The following POFUT3 variants were observed in gnomAD, a reference collection of about 807,000 sequenced individuals.
POFUT3 encodes the protein protein O-fucosyltransferase 3, also known as GDP-fucose protein O-fucosyltransferase 3.
chr8:33,454,477 G>A, the POFUT3 span, among the ~76,000 whole-genome samples: 5 of 152,148 alleles, frequency 3.3e-5, no homozygotes, highest in Non-Finnish European at 7.3e-5. Flanking sequence ...ACCTCAAAGT[G>A]GGTCACATTG....
the POFUT3 span, among the ~76,000 whole-genome samples, chr8:33,413,824 T>G: frequency 3.6e-4 from 55 of 152,290 alleles, 1 homozygote; most frequent in African/African-American, 1.3e-3. Context: ...ATAAGTGCAT[T>G]TCACCCTCCA....
chr8:33,376,968 G>A, the POFUT3 span, among the ~76,000 whole-genome samples: 10 of 152,302 alleles, frequency 6.6e-5, no homozygotes, highest in East Asian at 5.8e-4. Flanking sequence ...CGGGCACATT[G>A]GCTCACACCT....
the POFUT3 span, among the ~76,000 whole-genome samples, chr8:33,326,967 G>A: frequency 1.3e-5 from 2 of 152,162 alleles, no homozygotes; most frequent in Non-Finnish European, 1.5e-5. Flanking sequence ...TGTAGAGATA[G>A]GGGTCTCACT....
At chr8:33,394,905 A>C in the POFUT3 span, among the ~76,000 whole-genome samples, 1 of 152,200 alleles carries the variant, frequency 6.6e-6, no homozygotes, top group Non-Finnish European at 1.5e-5. Context: ...CCAGGTTCAT[A>C]AAGAGCACAG....
the POFUT3 span, among the ~76,000 whole-genome samples, chr8:33,380,052 C>CTA: frequency 1.1e-4 from 7 of 63,962 alleles, 2 homozygotes; most frequent in Non-Finnish European, 1.5e-4. Context: ...TATATATACA[C>CTA]TATATATATA....
chr8:33,437,295 C>A, the POFUT3 span, among the ~76,000 whole-genome samples: 1 of 151,886 alleles, frequency 6.6e-6, no homozygotes. Context: ...GCTTCCCTAG[C>A]ACTGTACCCA....
the POFUT3 span, among the ~76,000 whole-genome samples, chr8:33,406,791 C>T: frequency 6.6e-6 from 1 of 152,012 alleles, no homozygotes; most frequent in Admixed American, 6.6e-5. Flanking sequence ...GGGCAAACTC[C>T]TGGGTTCAAG....
chr8:33,356,063 G>T, the POFUT3 span, among the ~76,000 whole-genome samples: 21 of 152,192 alleles, frequency 1.4e-4, no homozygotes, highest in Non-Finnish European at 2.2e-4. Context: ...TCTTAATCCA[G>T]TCTATCATTG....
the POFUT3 span, among the ~76,000 whole-genome samples, chr8:33,379,298 C>T: frequency 6.6e-6 from 1 of 151,584 alleles, no homozygotes; most frequent in African/African-American, 2.4e-5. Flanking sequence ...AACCCACGCA[C>T]ATTAACAGCC....
the POFUT3 span, among the ~76,000 whole-genome samples, chr8:33,469,824 G>A: frequency 1.6e-4 from 2 of 12,796 alleles, no homozygotes; most frequent in African/African-American, 2.3e-4. Flanking sequence ...TTTTTTTTTT[G>A]AGATGGAGTC....
the POFUT3 span, chr8:33,389,199 C>T: frequency 6.2e-7 from 1 of 1,614,080 alleles, no homozygotes; most frequent in Non-Finnish European, 8.5e-7. Flanking sequence ...TGAGAAAATT[C>T]TGATACAAGA....
At chr8:33,391,274 T>A in the POFUT3 span, among the ~76,000 whole-genome samples, 1 of 152,230 alleles carries the variant, frequency 6.6e-6, no homozygotes, top group African/African-American at 2.4e-5. Flanking sequence ...CAGATAAGGT[T>A]ATGTCACAGG....
chr8:33,446,726 T>C, the POFUT3 span, among the ~76,000 whole-genome samples: 2 of 152,192 alleles, frequency 1.3e-5, no homozygotes, highest in African/African-American at 4.8e-5. Flanking sequence ...CCTGTTCCCA[T>C]GCAAAGACAC....
the POFUT3 span, among the ~76,000 whole-genome samples, chr8:33,457,991 A>G: frequency 6.6e-6 from 1 of 152,198 alleles, no homozygotes; most frequent in South Asian, 2.1e-4. Flanking sequence ...AAAAAAATTC[A>G]TAAGTTGAAG....
the POFUT3 span, among the ~76,000 whole-genome samples, chr8:33,342,888 C>T: frequency 6.6e-6 from 1 of 152,052 alleles, no homozygotes; most frequent in East Asian, 1.9e-4. Flanking sequence ...GGCAGATCAC[C>T]TAAGATCAGG....
the POFUT3 span, among the ~76,000 whole-genome samples, chr8:33,367,531 C>T: frequency 1.3e-5 from 2 of 150,704 alleles, no homozygotes; most frequent in East Asian, 2.0e-4. Context: ...CTGATTTCCC[C>T]ACTTCACACC....
At chr8:33,392,776 G>C in the POFUT3 span, among the ~76,000 whole-genome samples, 8 of 151,570 alleles carry the variant, frequency 5.3e-5, no homozygotes. Flanking sequence ...CTGAGGTCAG[G>C]AGTTCAAGAC....
chr8:33,412,212 G>T, the POFUT3 span, among the ~76,000 whole-genome samples: 1 of 152,172 alleles, frequency 6.6e-6, no homozygotes, highest in Admixed American at 6.5e-5. Context: ...GATCAAGTTA[G>T]TTGTTTTAAT....
chr8:33,359,288 G>C, the POFUT3 span, among the ~76,000 whole-genome samples: 1 of 152,102 alleles, frequency 6.6e-6, no homozygotes, highest in African/African-American at 2.4e-5. Flanking sequence ...TGGGAAAATG[G>C]GTTTTGTAAG....
Sources: gnomAD v4.1 joint callset for allele counts (sites outside exome capture counted in the v4.1 genomes callset) on GRCh38, gnomAD v4.1.1 for gene constraint, MANE v1.5 for transcripts, NCBI Gene and HGNC (gene_info 2026-07-23, HGNC 2026-07-21) for gene names.